PPARGC1A: variants seen among roughly 807,000 people sequenced by gnomAD.
PPARGC1A encodes the protein PPARG coactivator 1 alpha.
A neutral mutation model predicts 88.7 loss-of-function variants in PPARGC1A; 25 were observed. That is an observed-to-expected ratio of 0.28 (90% CI 0.21 to 0.39). PPARGC1A has a LOEUF of 0.39. Ranked by LOEUF, PPARGC1A falls within the 10% of genes least tolerant of loss-of-function variation. The pLI is 1.00. For missense variants in PPARGC1A, 880 were observed against 968.7 expected, an observed-to-expected ratio of 0.91 and a Z score of 1.22; for synonymous variants, 363 against 355.6, an observed-to-expected ratio of 1.02 and a Z score of -0.24.
intron 5 of PPARGC1A, among the ~76,000 whole-genome samples, chr4:23,825,493 A>G (rs145601357): frequency 6.6e-6 from 1 of 152,272 alleles, no homozygotes; most frequent in African/African-American, 2.4e-5. Context: ...TTATGGTTGA[A>G]GAAACTGAGA....
chr4:24,265,246 A>G, the PPARGC1A span, among the ~76,000 whole-genome samples: 1 of 152,202 alleles, frequency 6.6e-6, no homozygotes, highest in South Asian at 2.1e-4. Context: ...TTTTGTGCAC[A>G]CCAAGAAAGC....
At chr4:24,349,091 C>T in the PPARGC1A span, among the ~76,000 whole-genome samples, 6 of 152,326 alleles carry the variant, frequency 3.9e-5, no homozygotes, top group East Asian at 1.9e-4. Context: ...AGCCATCCAG[C>T]GAGTCTATCC....
the PPARGC1A span, among the ~76,000 whole-genome samples, chr4:24,391,124 A>T: frequency 6.6e-6 from 1 of 152,126 alleles, no homozygotes; most frequent in Non-Finnish European, 1.5e-5. Context: ...ATTACTTTTT[A>T]AAAATATGTT....
At chr4:24,389,843 T>C in the PPARGC1A span, among the ~76,000 whole-genome samples, 3 of 152,024 alleles carry the variant, frequency 2.0e-5, no homozygotes, top group African/African-American at 4.8e-5. Flanking sequence ...TTCCCCACTA[T>C]AGAGATTTTA....
chr4:24,219,250 G>A, the PPARGC1A span, among the ~76,000 whole-genome samples: 6 of 152,306 alleles, frequency 3.9e-5, no homozygotes, highest in East Asian at 9.6e-4. Context: ...GCACACCAAC[G>A]GGGTGGTCAC....
chr4:24,431,600 C>T, the PPARGC1A span, among the ~76,000 whole-genome samples: 46 of 152,250 alleles, frequency 3.0e-4, no homozygotes, highest in South Asian at 3.7e-3. Flanking sequence ...AGAGAAGAAC[C>T]AGAAAGACCG....
the PPARGC1A span, among the ~76,000 whole-genome samples, chr4:24,279,243 C>T: frequency 5.9e-5 from 9 of 152,240 alleles, no homozygotes; most frequent in East Asian, 1.5e-3. Context: ...TGCTTTTTCC[C>T]GCTACAAATA....
the PPARGC1A span, among the ~76,000 whole-genome samples, chr4:23,934,384 A>C: frequency 6.6e-6 from 1 of 152,216 alleles, no homozygotes; most frequent in Non-Finnish European, 1.5e-5. Context: ...GTGTGGCAGC[A>C]ACTGAAGTAG....
the PPARGC1A span, among the ~76,000 whole-genome samples, chr4:24,171,248 A>C: frequency 1.3e-5 from 2 of 152,058 alleles, no homozygotes; most frequent in Admixed American, 1.3e-4. Context: ...TCTACTAAAA[A>C]TACAAAAAGT....
chr4:24,242,143 G>A, the PPARGC1A span, among the ~76,000 whole-genome samples: 1 of 152,180 alleles, frequency 6.6e-6, no homozygotes, highest in African/African-American at 2.4e-5. Flanking sequence ...TACACTGGAT[G>A]TTCCAGCCTC....
the PPARGC1A span, among the ~76,000 whole-genome samples, chr4:24,049,695 C>T: frequency 6.6e-6 from 1 of 152,050 alleles, no homozygotes; most frequent in African/African-American, 2.4e-5. Context: ...GGGGTTTGAG[C>T]TCTGTAAAAG....
chr4:24,430,891 G>T, the PPARGC1A span, among the ~76,000 whole-genome samples: 6 of 152,104 alleles, frequency 3.9e-5, no homozygotes, highest in African/African-American at 1.4e-4. Flanking sequence ...GCTGAGGCAG[G>T]CGGATCGCCT....
the PPARGC1A span, among the ~76,000 whole-genome samples, chr4:24,307,465 A>T: frequency 2.0e-5 from 3 of 152,230 alleles, no homozygotes; most frequent in Non-Finnish European, 2.9e-5. Flanking sequence ...TCAAAGGCAC[A>T]TGGTGTATGC....
In PPARGC1A at chr4:23,813,720, G is replaced by A. The variant is rs755303347; in HGVS notation, c.1763C>T (p.Ser588Leu). The A allele has an allele frequency of 1.2e-6, 2 of 1,609,216 alleles. No homozygotes were observed. Among genetic ancestry groups the A allele is most frequent in the South Asian group, 2.2e-5 (2 of 90,410 alleles). Residue 588 changes from serine to leucine, a missense_variant, in exon 8 of 13, where the codon TCA becomes TTA. Physicochemically the swap from Ser to Leu is moderately radical, Grantham distance 145. Transcript: ENST00000264867. ...AGAGGATCTACTGCCTGGAGACCTT[G>A]ATCTTGACCTGGAATATGGTGATCG... ...CSRSPYSRSR[S>L]RSPGSRSSSR...
At chr4:23,919,154 TA>T in the PPARGC1A span, among the ~76,000 whole-genome samples, 1 of 152,194 alleles carries the variant, frequency 6.6e-6, no homozygotes, top group Non-Finnish European at 1.5e-5. Flanking sequence ...GCAGCAACTT[TA>T]CATACACATT....
chr4:24,420,849 C>T, the PPARGC1A span, among the ~76,000 whole-genome samples: 1 of 152,132 alleles, frequency 6.6e-6, no homozygotes, highest in African/African-American at 2.4e-5. Flanking sequence ...ATTTACTGCT[C>T]ACAATTCTGG....
the PPARGC1A span, among the ~76,000 whole-genome samples, chr4:24,277,499 G>A: frequency 7.2e-6 from 1 of 139,004 alleles, no homozygotes; most frequent in Non-Finnish European, 1.5e-5. Context: ...TATGAAGCCT[G>A]TCTCTTCCTT....
At chr4:24,138,286 G>A in the PPARGC1A span, among the ~76,000 whole-genome samples, 1 of 152,130 alleles carries the variant, frequency 6.6e-6, no homozygotes, top group Non-Finnish European at 1.5e-5. Flanking sequence ...TCCACCCACA[G>A]CCTGTTCCAA....
the PPARGC1A span, among the ~76,000 whole-genome samples, chr4:24,105,808 A>T: frequency 6.6e-6 from 1 of 152,194 alleles, no homozygotes; most frequent in Admixed American, 6.5e-5. Context: ...AGATGTAAAT[A>T]CAGAGACATG....
Sources: allele counts gnomAD v4.1 joint callset (sites outside exome capture counted in the v4.1 genomes callset), GRCh38; gene constraint gnomAD v4.1.1; transcripts MANE v1.5; gene names NCBI Gene and HGNC (gene_info 2026-07-23, HGNC 2026-07-21).